The following PROM1 variants were observed in gnomAD, a reference collection of about 807,000 sequenced individuals.
The protein encoded by PROM1 is prominin 1.
A neutral mutation model predicts 116.9 loss-of-function variants in PROM1; 105 were observed. The observed-to-expected ratio is 0.90, with a 90% CI of 0.77 to 1.06. The LOEUF is 1.06. PROM1 is among the 50% of genes least tolerant of loss of function. The pLI is 0.00. For synonymous variants in PROM1, 393 were observed against 387.0 expected, an observed-to-expected ratio of 1.02 and a Z score of -0.18; for missense variants, 1,122 against 1,045.2, an observed-to-expected ratio of 1.07 and a Z score of -1.01.
intron 23 of PROM1, among the ~76,000 whole-genome samples, chr4:15,980,848 T>A (rs887332017): frequency 6.6e-6 from 1 of 152,112 alleles, no homozygotes; most frequent in Non-Finnish European, 1.5e-5. Context: ...CCAACCCAAC[T>A]TCTAACCACC....
intron 13 of PROM1, among the ~76,000 whole-genome samples, chr4:16,004,959 CTCTCTT>C (rs1725003658): frequency 1.2e-5 from 1 of 86,578 alleles, no homozygotes; most frequent in African/African-American, 4.5e-5. Flanking sequence ...ATTTCTCGCT[CTCTCTT>C]TTTTTTTTTT....
chr4:15,997,236 A>G (rs1722539044), intron 15 of PROM1, among the ~76,000 whole-genome samples: 1 of 149,878 alleles, frequency 6.7e-6, no homozygotes, highest in Non-Finnish European at 1.5e-5. Flanking sequence ...ATATATATGA[A>G]ATGCATTTCG....
At chr4:15,978,087 A>G (rs1716699052) in intron 26 of PROM1, among the ~76,000 whole-genome samples, 1 of 152,166 alleles carries the variant, frequency 6.6e-6, no homozygotes, top group Non-Finnish European at 1.5e-5. Flanking sequence ...CCACCATGTG[A>G]GGATTTGGCA....
At chr4:16,041,119 A>G (rs1735122680) in intron 2 of PROM1, among the ~76,000 whole-genome samples, 1 of 152,180 alleles carries the variant, frequency 6.6e-6, no homozygotes, top group Admixed American at 6.5e-5. Context: ...CAAGATGTTA[A>G]TTGCTTTTTT....
At chr4:16,061,614 G>A (rs1444298391) in intron 2 of PROM1, among the ~76,000 whole-genome samples, 1 of 152,122 alleles carries the variant, frequency 6.6e-6, no homozygotes, top group Non-Finnish European at 1.5e-5. Flanking sequence ...GGATGCTCTC[G>A]GCCCTCTGCG....
At chr4:16,013,806 A>T (rs749347111) in intron 10 of PROM1, among the ~76,000 whole-genome samples, 3 of 152,192 alleles carry the variant, frequency 2.0e-5, no homozygotes, top group Non-Finnish European at 2.9e-5. Context: ...CCCCGCCGCT[A>T]ACAGCCATGC....
At chr4:15,996,995 T>C (rs1722482410) in intron 15 of PROM1, among the ~76,000 whole-genome samples, 1 of 151,962 alleles carries the variant, frequency 6.6e-6, no homozygotes, top group Non-Finnish European at 1.5e-5. Context: ...GGTCTCACAG[T>C]GGGAGAAATA....
At chr4:16,078,112 C>T (rs2313731) in intron 1 of PROM1, 101,603 of 152,174 alleles carry the variant, frequency 0.67, 35,157 homozygotes, top group Non-Finnish European at 0.76. Context: ...CCTTGGGAGA[C>T]GGAGAAAGAC....
chr4:16,050,589 A>G (rs1737641162), intron 2 of PROM1, among the ~76,000 whole-genome samples: 1 of 152,174 alleles, frequency 6.6e-6, no homozygotes, highest in Non-Finnish European at 1.5e-5. Context: ...CCTGGGCTCA[A>G]GTGATTTCCC....
intron 15 of PROM1, among the ~76,000 whole-genome samples, chr4:15,994,395 A>G (rs560619968): frequency 1.3e-5 from 2 of 152,380 alleles, no homozygotes; most frequent in Non-Finnish European, 1.5e-5. Flanking sequence ...CATTAAAAAG[A>G]AAAACAATAC....
At chr4:16,058,054 G>GT (rs1028849909) in intron 2 of PROM1, among the ~76,000 whole-genome samples, 1 of 152,172 alleles carries the variant, frequency 6.6e-6, no homozygotes, top group Non-Finnish European at 1.5e-5. Flanking sequence ...TAGAAAGAAG[G>GT]TTTTTTTCCA....
At chr4:16,015,577 C>G (rs1210719246) in intron 10 of PROM1, among the ~76,000 whole-genome samples, 1 of 151,808 alleles carries the variant, frequency 6.6e-6, no homozygotes, top group Non-Finnish European at 1.5e-5. Context: ...GTGATCCCAG[C>G]TACTCAACAG....
intron 2 of PROM1, among the ~76,000 whole-genome samples, chr4:16,048,533 C>A (rs1339324455): frequency 6.6e-6 from 1 of 152,140 alleles, no homozygotes; most frequent in Non-Finnish European, 1.5e-5. Flanking sequence ...TCCCCGGTGC[C>A]TCCACAAATA....
intron 26 of PROM1, among the ~76,000 whole-genome samples, chr4:15,975,008 G>A (rs1339595614): frequency 6.6e-6 from 1 of 152,182 alleles, no homozygotes; most frequent in Non-Finnish European, 1.5e-5. Flanking sequence ...AAGCTAAGTG[G>A]AGCTGGCTCA....
At chr4:15,999,486 T>A (rs1159207743) in intron 14 of PROM1, among the ~76,000 whole-genome samples, 3 of 150,548 alleles carry the variant, frequency 2.0e-5, no homozygotes, top group East Asian at 1.9e-4. Context: ...AAAAAAAAAA[T>A]TCACACACTC....
chr4:16,070,303 G>A (rs549644243), intron 2 of PROM1, among the ~76,000 whole-genome samples: 1 of 152,200 alleles, frequency 6.6e-6, no homozygotes, highest in African/African-American at 2.4e-5. Flanking sequence ...AGTTTTGTAG[G>A]TGGAAACAAG....
intron 4 of PROM1, among the ~76,000 whole-genome samples, chr4:16,034,260 GCTCAGACT>G (rs1733491153): frequency 6.6e-6 from 1 of 152,120 alleles, no homozygotes; most frequent in Non-Finnish European, 1.5e-5. Context: ...TAGAAAAAAG[GCTCAGACT>G]CTAAGTCAGG....
intron 26 of PROM1, among the ~76,000 whole-genome samples, chr4:15,973,634 G>C (rs1024679860): frequency 4.6e-5 from 7 of 152,200 alleles, no homozygotes; most frequent in African/African-American, 1.7e-4. Flanking sequence ...TTTTCAGATA[G>C]AGTTTCTAGC....
intron 2 of PROM1, among the ~76,000 whole-genome samples, chr4:16,046,759 C>T (rs981340475): frequency 3.3e-5 from 5 of 152,196 alleles, no homozygotes; most frequent in African/African-American, 7.2e-5. Context: ...ATGACCCCAT[C>T]GACTCACGGA....
Sources: allele counts gnomAD v4.1 joint callset (sites outside exome capture counted in the v4.1 genomes callset), GRCh38; gene constraint gnomAD v4.1.1; transcripts MANE v1.5; gene names NCBI Gene and HGNC (gene_info 2026-07-23, HGNC 2026-07-21).